The following PPP1R9A variants were observed in gnomAD, a reference collection of about 807,000 sequenced individuals.
PPP1R9A encodes the protein neurabin-1.
A neutral mutation model predicts 141.9 loss-of-function variants in PPP1R9A; 59 were observed. The ratio of observed to expected loss-of-function variants is 0.42; its 90% confidence interval spans 0.34 to 0.52. PPP1R9A has a LOEUF of 0.52. Ranked by LOEUF, PPP1R9A falls within the 20% of genes least tolerant of loss-of-function variation. The probability of loss-of-function intolerance (pLI) is 0.10; values close to 1 mark genes in which losing one functional copy is unlikely to be tolerated. For synonymous variants in PPP1R9A, 500 were observed against 569.7 expected (o/e 0.88, Z 1.74); for missense variants, 1,444 against 1,611.9 (o/e 0.90, Z 1.78).
At chr7:94,981,127 A>T (rs1316408570) in intron 2 of PPP1R9A, among the ~76,000 whole-genome samples, 1 of 152,154 alleles carries the variant, frequency 6.6e-6, no homozygotes, top group Non-Finnish European at 1.5e-5. Flanking sequence ...TAAAGAAGAA[A>T]ATGTGAGCTA....
chr7:95,205,497 T>C (rs995580904), intron 7 of PPP1R9A, among the ~76,000 whole-genome samples: 1 of 152,224 alleles, frequency 6.6e-6, no homozygotes, highest in African/African-American at 2.4e-5. Context: ...TTTAAAAACA[T>C]ATATTTTATT....
At chr7:95,077,209 A>G (rs74849308) in intron 2 of PPP1R9A, among the ~76,000 whole-genome samples, 3,307 of 151,838 alleles carry the variant, frequency 0.022, 128 homozygotes, top group African/African-American at 0.075. Context: ...ACTTCTTTTT[A>G]TTTTTTTGTT....
chr7:95,045,567 G>C (rs1228623651), intron 2 of PPP1R9A, among the ~76,000 whole-genome samples: 1 of 152,162 alleles, frequency 6.6e-6, no homozygotes, highest in Non-Finnish European at 1.5e-5. Flanking sequence ...TAATGCACAT[G>C]CCCAAGCCTA....
chr7:95,269,107 G>A, intron 13 of PPP1R9A, 100 bp from the exon 14 acceptor site: 1 of 1,181,416 alleles, frequency 8.5e-7, no homozygotes, highest in Non-Finnish European at 1.2e-6. Context: ...TGGTTTTCAT[G>A]GGGATTCACT....
intron 2 of PPP1R9A, among the ~76,000 whole-genome samples, chr7:95,096,125 T>A (rs1817983070): frequency 6.6e-6 from 1 of 152,190 alleles, no homozygotes; most frequent in Non-Finnish European, 1.5e-5. Flanking sequence ...AAGTATGAAT[T>A]CTCTTTATAT....
intron 12 of PPP1R9A, among the ~76,000 whole-genome samples, chr7:95,256,549 C>T (rs1044910280): frequency 5.3e-5 from 8 of 152,048 alleles, no homozygotes; most frequent in African/African-American, 1.7e-4. Context: ...CAAGAATTTC[C>T]TTTAAAATTA....
intron 4 of PPP1R9A, among the ~76,000 whole-genome samples, chr7:95,160,347 C>G (rs967464479): frequency 6.6e-6 from 1 of 152,006 alleles, no homozygotes; most frequent in Admixed American, 6.6e-5. Flanking sequence ...CATATTTCAT[C>G]TGGATCTCTT....
At chr7:95,025,981 T>C (rs1806778340) in intron 2 of PPP1R9A, among the ~76,000 whole-genome samples, 1 of 152,212 alleles carries the variant, frequency 6.6e-6, no homozygotes, top group African/African-American at 2.4e-5. Flanking sequence ...TCCTCTGTCC[T>C]TTTATCAAGG....
intron 12 of PPP1R9A, among the ~76,000 whole-genome samples, 157 bp downstream of exon 12, chr7:95,252,287 C>T (rs1281778777): frequency 6.6e-6 from 1 of 151,994 alleles, no homozygotes; most frequent in Non-Finnish European, 1.5e-5. Context: ...CATTTTAGCT[C>T]TCGTCTTATC....
chr7:95,160,025 T>C (rs1262600330), intron 4 of PPP1R9A, among the ~76,000 whole-genome samples: 2 of 151,728 alleles, frequency 1.3e-5, no homozygotes, highest in African/African-American at 4.8e-5. Flanking sequence ...CATGAAAGTT[T>C]ATTATCTGTT....
chr7:95,119,277 C>T lies in PPP1R9A; in HGVS notation c.1529-1435C>T, dbSNP rs142360867. On this transcript the variant is annotated intron_variant, in intron 3 of 19. Coordinates refer to ENST00000433360, the MANE Select transcript of PPP1R9A (RefSeq NM_001166160.2). ...AAGGACAAATGGAAATATGGATAAA[C>T]GTGATTTGTAAGTGAATTAAAAAAA... 3.5e-3 allele frequency among the ~76,000 whole-genome samples: 527 copies of T among 151,124 alleles called. 1 individual carries two copies. Among genetic ancestry groups the T allele is most frequent in the Non-Finnish European group, 6.0e-3 (410 of 67,850 alleles).
chr7:95,147,529 T>G (rs537525678), intron 4 of PPP1R9A, among the ~76,000 whole-genome samples: 1 of 152,216 alleles, frequency 6.6e-6, no homozygotes, highest in Admixed American at 6.5e-5. Flanking sequence ...CTTCCAATAC[T>G]GTGTTGAATA....
chr7:95,162,899 T>TA (rs1320869182), intron 5 of PPP1R9A, among the ~76,000 whole-genome samples: 3 of 152,210 alleles, frequency 2.0e-5, no homozygotes, highest in Non-Finnish European at 4.4e-5. Flanking sequence ...CCTTAAGGAA[T>TA]ATTACCTAAA....
chr7:95,172,499 A>T (rs553938583), intron 5 of PPP1R9A, among the ~76,000 whole-genome samples: 6 of 151,810 alleles, frequency 4.0e-5, no homozygotes, highest in Non-Finnish European at 7.4e-5. Flanking sequence ...TATCAACATT[A>T]ATAATTGAAA....
At chr7:95,128,605 TC>T (rs1425656625) in intron 4 of PPP1R9A, among the ~76,000 whole-genome samples, 1 of 152,200 alleles carries the variant, frequency 6.6e-6, no homozygotes, top group Non-Finnish European at 1.5e-5. Context: ...AGATGGAGTT[TC>T]GCTTTTGTTG....
chr7:95,143,587 A>G (rs1399794283), intron 4 of PPP1R9A, among the ~76,000 whole-genome samples: 1 of 152,088 alleles, frequency 6.6e-6, no homozygotes, highest in Non-Finnish European at 1.5e-5. Flanking sequence ...TTTTATTGGT[A>G]TTTACCCTAC....
intron 2 of PPP1R9A, among the ~76,000 whole-genome samples, chr7:94,976,929 A>G (rs1039271637): frequency 1.3e-5 from 2 of 152,282 alleles, no homozygotes; most frequent in African/African-American, 2.4e-5. Context: ...CTAGAGAATA[A>G]ATGAGAATTG....
chr7:94,910,022 C>A lies in PPP1R9A; in HGVS notation c.-92C>A. On this transcript the variant is annotated 5_prime_UTR_variant, in exon 2 of 20. Transcript: ENST00000433360. This position sits in a 1 kb window ranked among gnomAD's most constrained non-coding sequence, Gnocchi z 4.5. Reference sequence around the variant, plus strand: ...CCATTTGAGAGGTACTTTTCTTGACCCAATACTGGTGATTAGAGAAGAGAG... The same window carrying A: ...CCATTTGAGAGGTACTTTTCTTGACACAATACTGGTGATTAGAGAAGAGAG... The A allele has an allele frequency of 1.8e-6, 2 of 1,133,512 alleles. No individual in the cohort carries two copies. The highest frequency in any genetic ancestry group is 2.4e-5 in the East Asian group (1 of 42,092). The allele number at this position is 1,133,512 out of a possible 1,614,324, so 70.2% of individuals were successfully genotyped here.
intron 2 of PPP1R9A, among the ~76,000 whole-genome samples, chr7:95,034,038 C>G (rs1377481991): frequency 6.6e-6 from 1 of 152,018 alleles, no homozygotes; most frequent in Non-Finnish European, 1.5e-5. Context: ...CAGTCAGTTT[C>G]CACAGAAACT....
Sources: allele counts gnomAD v4.1 joint callset (sites outside exome capture counted in the v4.1 genomes callset), GRCh38; gene constraint gnomAD v4.1.1; non-coding constraint Gnocchi (gnomAD v3.1); transcripts MANE v1.5; gene names NCBI Gene and HGNC (gene_info 2026-07-23, HGNC 2026-07-21).